AGXT2: variants seen among roughly 807,000 people sequenced by gnomAD.
AGXT2 encodes alanine--glyoxylate aminotransferase 2, mitochondrial.
AGXT2 carries 61 observed loss-of-function variants against 62.5 expected under a neutral mutation model. The ratio of observed to expected loss-of-function variants is 0.98; its 90% confidence interval spans 0.79 to 1.21. AGXT2 has a LOEUF of 1.21. AGXT2 is among the 50% of genes most tolerant of loss of function. The probability of loss-of-function intolerance (pLI) is 0.00; values close to 1 mark genes in which losing one functional copy is unlikely to be tolerated. For missense variants in AGXT2, 666 were observed against 641.5 expected, an observed-to-expected ratio of 1.04 and a Z score of -0.41; for synonymous variants, 243 against 218.7, an observed-to-expected ratio of 1.11 and a Z score of -0.98.
intron 13 of AGXT2, among the ~76,000 whole-genome samples, chr5:34,999,369 C>T (rs956138147): frequency 1.3e-5 from 2 of 152,186 alleles, no homozygotes; most frequent in Admixed American, 6.6e-5. Flanking sequence ...CAGGTCTCCT[C>T]CTTCCTTTCT....
intron 9 of AGXT2, among the ~76,000 whole-genome samples, chr5:35,017,431 T>C (rs1251735253): frequency 6.6e-6 from 1 of 152,186 alleles, no homozygotes; most frequent in Non-Finnish European, 1.5e-5. Context: ...TGGGAGATAA[T>C]TGAATCATGG....
Position 35,003,747 on chromosome 5 carries a change from C to T in AGXT2, c.1437+16G>A. The T allele has an allele frequency of 1.9e-6, 3 of 1,607,946 alleles. No homozygotes were observed. The highest frequency in any genetic ancestry group is 1.3e-5 in the African/African-American group (1 of 74,896). On this transcript the variant is annotated intron_variant, in intron 13 of 13. Coordinates refer to ENST00000231420, the MANE Select transcript of AGXT2 (RefSeq NM_031900.4). ...TCCTACCTAGAGCGATAGGTAAAAACCAGTCTTTCTCTTACCTGAGAAAAA... is the reference window on the plus strand; with the variant it reads ...TCCTACCTAGAGCGATAGGTAAAAATCAGTCTTTCTCTTACCTGAGAAAAA...
chr5:35,045,764 CTTTTTT>C (rs1255749919), intron 1 of AGXT2, among the ~76,000 whole-genome samples: 18,475 of 98,856 alleles, frequency 0.19, 1,482 homozygotes, highest in South Asian at 0.28. Flanking sequence ...TTTCTTTTTT[CTTTTTT>C]TTTTTTTTTT....
chr5:35,020,189 C>T (rs375808965), intron 9 of AGXT2, among the ~76,000 whole-genome samples: 2 of 152,142 alleles, frequency 1.3e-5, no homozygotes, highest in African/African-American at 2.4e-5. Flanking sequence ...TTCCAATCAA[C>T]AGAAAAAGAG....
chr5:35,010,767 C>T (rs11960801), intron 11 of AGXT2, among the ~76,000 whole-genome samples: 45,207 of 152,022 alleles, frequency 0.3, 7,419 homozygotes, highest in Non-Finnish European at 0.37. Context: ...AATCCCAAGG[C>T]TTGTTATTGT....
chr5:35,035,285 G>A lies in AGXT2; in HGVS notation c.518C>T (p.Ala173Val). 6.2e-7 allele frequency: 1 copy of A among 1,613,986 alleles called. No individual in the cohort carries two copies. Among genetic ancestry groups the A allele is most frequent in the Non-Finnish European group, 8.5e-7 (1 of 1,179,968 alleles). ...GGCCATCAGCATGGCCAGCTCATTGGCTTCTGAGCCACTGTTCACCAAGAA... is the reference window on the plus strand; with the variant it reads ...GGCCATCAGCATGGCCAGCTCATTGACTTCTGAGCCACTGTTCACCAAGAA... ...VIFLVNSGSE[A>V]NELAMLMARA... is the part of the protein sequence containing the mutation. The change falls in exon 5 of 14, where the codon GCC (alanine) becomes GTC (valine). Residue 173 changes from alanine to valine, a missense_variant. By Grantham distance (64) the Ala-to-Val change is moderately conservative (BLOSUM62 0). Coordinates refer to ENST00000231420, the MANE Select transcript of AGXT2 (RefSeq NM_031900.4).
intron 5 of AGXT2, among the ~76,000 whole-genome samples, 172 bp downstream of exon 5, chr5:35,035,050 T>G (rs908827293): frequency 6.6e-6 from 1 of 152,192 alleles, no homozygotes; most frequent in Non-Finnish European, 1.5e-5. Context: ...CCAACTTGAA[T>G]GGTGTTATCC....
At chr5:35,040,445 G>C (rs1767940840) in intron 2 of AGXT2, 130 bp downstream of exon 2, 2 of 838,282 alleles carry the variant, frequency 2.4e-6, no homozygotes, top group African/African-American at 3.3e-5. Flanking sequence ...TGACTTAGAG[G>C]TACAATATCT....
rs760186621 is a variant in AGXT2, at chr5:35,032,797, G to C, written c.704C>G (p.Pro235Arg). The C allele has an allele frequency of 1.9e-6, 3 of 1,607,580 alleles. No homozygotes were observed. Among genetic ancestry groups the C allele is most frequent in the Non-Finnish European group, 2.5e-6 (3 of 1,176,934 alleles). Residue 235 changes from proline to arginine, a missense_variant, in exon 7 of 14, where the codon CCT (proline) becomes CGT (arginine). Coordinates refer to ENST00000231420, the MANE Select transcript of AGXT2 (RefSeq NM_031900.4). Reference protein sequence around the residue: ...PTMCPDVFRGPWGGSHCRDSP... With the variant: ...PTMCPDVFRGRWGGSHCRDSP... ...ATCTCGACAGTGGCTTCCTCCCCAA[G>C]GGCCACGAAAAACATCTGGACACAT...
At chr5:35,036,479 A>G (rs1767772432) in intron 4 of AGXT2, among the ~76,000 whole-genome samples, 1 of 152,234 alleles carries the variant, frequency 6.6e-6, no homozygotes, top group Non-Finnish European at 1.5e-5. Context: ...ATCTAAGTGT[A>G]ATTTGGACCA....
intron 7 of AGXT2, chr5:35,027,178 T>C (rs1241674767): frequency 1.1e-5 from 2 of 188,916 alleles, no homozygotes; most frequent in East Asian, 3.8e-4. Context: ...GCAAGCTGTT[T>C]GGTACACTGT....
At chr5:35,031,016 C>G (rs966946191) in intron 7 of AGXT2, among the ~76,000 whole-genome samples, 1 of 152,180 alleles carries the variant, frequency 6.6e-6, no homozygotes, top group African/African-American at 2.4e-5. Flanking sequence ...AAAGGTGAAG[C>G]TTTTGCTCAT....
At chr5:35,021,035 C>T (rs1316665699) in intron 9 of AGXT2, among the ~76,000 whole-genome samples, 3 of 152,148 alleles carry the variant, frequency 2.0e-5, no homozygotes, top group Non-Finnish European at 4.4e-5. Context: ...AGGACCTCTT[C>T]AAGGAGAACT....
At chr5:35,016,568 C>T (rs997243233) in intron 9 of AGXT2, among the ~76,000 whole-genome samples, 2 of 152,142 alleles carry the variant, frequency 1.3e-5, no homozygotes, top group Admixed American at 1.3e-4. Flanking sequence ...AACCCCCTCC[C>T]TCTTCCCCTT....
At chr5:35,002,372 G>A (rs1311186769) in intron 13 of AGXT2, among the ~76,000 whole-genome samples, 3 of 152,170 alleles carry the variant, frequency 2.0e-5, no homozygotes, top group African/African-American at 7.2e-5. Flanking sequence ...GGTGGAGGGA[G>A]CTTGGAGAAA....
intron 9 of AGXT2, among the ~76,000 whole-genome samples, chr5:35,022,210 A>T (rs1452329115): frequency 1.3e-5 from 2 of 152,234 alleles, no homozygotes; most frequent in African/African-American, 4.8e-5. Context: ...TGACCCAGCC[A>T]TCCCATTACT....
intron 6 of AGXT2, 179 bp from the exon 7 acceptor site, chr5:35,033,004 C>T: frequency 1.6e-6 from 1 of 633,268 alleles, no homozygotes; most frequent in South Asian, 1.7e-5. Context: ...TAGAAATCAG[C>T]TATGTGGGCC....
intron 12 of AGXT2, among the ~76,000 whole-genome samples, chr5:35,004,411 C>A (rs1453876337): frequency 6.6e-6 from 1 of 152,192 alleles, no homozygotes; most frequent in African/African-American, 2.4e-5. Context: ...AGACTGCATC[C>A]TCCAGGGTTA....
At chr5:35,047,251 C>A (rs1579524257) in intron 1 of AGXT2, among the ~76,000 whole-genome samples, 1 of 152,036 alleles carries the variant, frequency 6.6e-6, no homozygotes, top group African/African-American at 2.4e-5. Context: ...CCAACTTGAG[C>A]AACATAGTAA....
Sources: gnomAD v4.1 joint callset for allele counts (sites outside exome capture counted in the v4.1 genomes callset) on GRCh38, gnomAD v4.1.1 for gene constraint, MANE v1.5 for transcripts, NCBI Gene and HGNC (gene_info 2026-07-23, HGNC 2026-07-21) for gene names.